RASSF3: variants seen among roughly 807,000 people sequenced by gnomAD.
RASSF3 encodes the protein Ras association domain family member 3.
Under a neutral mutation model 19.9 loss-of-function variants are expected in RASSF3, and 19 were observed. The ratio of observed to expected loss-of-function variants is 0.96; its 90% CI spans 0.67 to 1.40. RASSF3 has a LOEUF of 1.40. RASSF3 is among the 40% of genes most tolerant of loss of function. The pLI, the probability that RASSF3 is intolerant of heterozygous loss-of-function variation, is 0.00. For synonymous variants in RASSF3, 110 were observed against 104.2 expected (o/e 1.06, Z -0.34); for missense variants, 306 against 289.8 (o/e 1.06, Z -0.41).
intron 1 of RASSF3, among the ~76,000 whole-genome samples, chr12:64,516,845 C>T (rs1868374960): frequency 6.6e-6 from 1 of 150,978 alleles, no homozygotes; most frequent in African/African-American, 2.4e-5. Context: ...ACTTAAAAGA[C>T]AAAATTAGCA....
intron 4 of RASSF3, 113 bp from the exon 5 acceptor site, chr12:64,694,650 G>C (rs1467850607): frequency 1.0e-5 from 12 of 1,165,352 alleles, no homozygotes; most frequent in Non-Finnish European, 1.2e-5. Context: ...CACCTTCTGC[G>C]GCATGGGGCT....
At chr12:64,666,634 T>C (rs1872545547) in intron 1 of RASSF3, among the ~76,000 whole-genome samples, 1 of 152,184 alleles carries the variant, frequency 6.6e-6, no homozygotes, top group Non-Finnish European at 1.5e-5. Flanking sequence ...CAGAATACTT[T>C]ACAAAGCAGT....
chr12:64,603,612 T>G (rs944647818), intron 2 of RASSF3, among the ~76,000 whole-genome samples: 3 of 152,232 alleles, frequency 2.0e-5, no homozygotes, highest in Non-Finnish European at 4.4e-5. Context: ...TGCCCAAACA[T>G]GGAAATACTA....
intron 2 of RASSF3, among the ~76,000 whole-genome samples, chr12:64,563,872 T>C (rs7486382): frequency 0.64 from 97,333 of 151,962 alleles, 31,995 homozygotes; most frequent in Non-Finnish European, 0.72. Flanking sequence ...TTTCTTCATA[T>C]GACTTACCAC....
At chr12:64,543,856 C>G (rs188149826), downstream of RASSF3, among the ~76,000 whole-genome samples, 29 of 151,976 alleles carry the variant, frequency 1.9e-4, no homozygotes, top group Admixed American at 9.8e-4. Flanking sequence ...GTAAATACAC[C>G]AATCAGCACT....
At chr12:64,603,071 T>C (rs1870123732) in intron 2 of RASSF3, among the ~76,000 whole-genome samples, 1 of 151,924 alleles carries the variant, frequency 6.6e-6, no homozygotes, top group Admixed American at 6.6e-5. Flanking sequence ...TGCACTTCAG[T>C]CTGGGTGACA....
At chr12:64,643,430 G>C (rs1053601727) in intron 1 of RASSF3, among the ~76,000 whole-genome samples, 1 of 152,082 alleles carries the variant, frequency 6.6e-6, no homozygotes, top group Admixed American at 6.6e-5. Flanking sequence ...CTGCATGGGA[G>C]ACTAAGGCAG....
intron 4 of RASSF3, among the ~76,000 whole-genome samples, chr12:64,694,536 TGAACA>T (rs1868327032): frequency 6.6e-6 from 1 of 152,096 alleles, no homozygotes; most frequent in South Asian, 2.1e-4. Flanking sequence ...GAGATCGTCT[TGAACA>T]GTGGGAGGAG....
intron 2 of RASSF3, among the ~76,000 whole-genome samples, chr12:64,571,226 A>AAAAAT (rs1189219718): frequency 1.3e-5 from 2 of 152,158 alleles, no homozygotes; most frequent in Non-Finnish European, 2.9e-5. Flanking sequence ...AAATAAAAAT[A>AAAAAT]AAAATAAAAA....
At chr12:64,591,939 T>C (rs1363721821) in intron 2 of RASSF3, among the ~76,000 whole-genome samples, 1 of 151,884 alleles carries the variant, frequency 6.6e-6, no homozygotes, top group Admixed American at 6.6e-5. Flanking sequence ...TTTTACTGTG[T>C]CCCCTAGGCT....
chr12:64,693,340 T>C (rs1360926818), intron 4 of RASSF3, among the ~76,000 whole-genome samples: 1 of 152,122 alleles, frequency 6.6e-6, no homozygotes, highest in African/African-American at 2.4e-5. Flanking sequence ...AGGATGTGTT[T>C]GGAAAAAACC....
rs547591870 is a variant in RASSF3 at position 64,520,710 on chromosome 12, A to G, written c.169+13381A>G. ...CTATTCTTGCTAGCTAAAAAAAAGT[A>G]TTGCGGTCATAATGGAAAGAAGGAC... On this transcript the variant is annotated intron_variant, in intron 1 of 5. Transcript: ENST00000637125. 6.0e-4 allele frequency among the ~76,000 whole-genome samples: 91 copies of G among 151,444 alleles called. No individual in the cohort carries two copies. The Middle Eastern group carries it at 0.01, about 17-fold the overall frequency.
At position 64,562,609 on chromosome 12, in the gene RASSF3, G is replaced by C. The variant is rs191624548; in HGVS notation, c.294+20904G>C. Among the ~76,000 whole-genome samples the C allele has an allele frequency of 2.3e-3, 297 of 128,708 alleles. 4 individuals carry two copies. Among genetic ancestry groups the C allele is most frequent in the African/African-American group, 7.4e-3 (291 of 39,112 alleles). The allele number at this position is 128,708 out of a possible 152,430, so 84.4% of individuals were successfully genotyped here. A position where few individuals can be genotyped will look rare whatever the true frequency, so the allele number is the denominator to read the frequency against. ...CTGGGGAAACTTCCTCTATTCTCCT[G>C]GGTGTTTAAATTTTATTTATTTTAT... On this transcript the variant is annotated intron_variant, in intron 2 of 5. Coordinates refer to the RASSF3 transcript ENST00000637125.
At chr12:64,565,724 AC>A (rs536109340) in intron 2 of RASSF3, among the ~76,000 whole-genome samples, 3 of 151,716 alleles carry the variant, frequency 2.0e-5, no homozygotes, top group Non-Finnish European at 4.4e-5. Context: ...AAAAAAACAA[AC>A]AAAAACAATT....
At chr12:64,676,599 G>A (rs1035902656) in intron 1 of RASSF3, among the ~76,000 whole-genome samples, 1 of 150,114 alleles carries the variant, frequency 6.7e-6, no homozygotes, top group Non-Finnish European at 1.5e-5. Context: ...AGACTCACAA[G>A]TAGCTAGGAT....
intron 2 of RASSF3, among the ~76,000 whole-genome samples, chr12:64,600,595 C>A (rs2136145426): frequency 6.6e-6 from 1 of 152,172 alleles, no homozygotes; most frequent in South Asian, 2.1e-4. Flanking sequence ...TTGAGGGAAG[C>A]TAGAATTCTC....
chr12:64,594,397 A>G (rs1327602920), intron 2 of RASSF3, among the ~76,000 whole-genome samples: 1 of 152,134 alleles, frequency 6.6e-6, no homozygotes, highest in Non-Finnish European at 1.5e-5. Flanking sequence ...TTTTTAGCAG[A>G]ACCCTTTCCT....
chr12:64,574,790 A>G (rs758850028), intron 2 of RASSF3, among the ~76,000 whole-genome samples: 3 of 152,268 alleles, frequency 2.0e-5, no homozygotes, highest in African/African-American at 7.2e-5. Flanking sequence ...GAGCTCAGCC[A>G]AGACCAGCAG....
intron 2 of RASSF3, among the ~76,000 whole-genome samples, chr12:64,585,180 G>A (rs976947763): frequency 2.0e-5 from 3 of 152,034 alleles, no homozygotes; most frequent in South Asian, 2.1e-4. Flanking sequence ...CACCGCACCC[G>A]GCCAGAATAT....
Sources: allele counts gnomAD v4.1 joint callset (sites outside exome capture counted in the v4.1 genomes callset), GRCh38; gene constraint gnomAD v4.1.1; transcripts MANE v1.5; gene names NCBI Gene and HGNC (gene_info 2026-07-23, HGNC 2026-07-21).